Variants in CLSTN2 observed in about 807,000 individuals in gnomAD.
CLSTN2 encodes the protein calsyntenin 2.
In CLSTN2, 48 loss-of-function variants were observed where a neutral mutation model predicts 101.2. The observed-to-expected ratio is 0.47, with a 90% confidence interval of 0.38 to 0.60. The LOEUF (loss-of-function observed/expected upper bound fraction) is 0.60, where lower values mean the gene tolerates loss of function less well. CLSTN2 is among the 20% of genes least tolerant of loss of function. CLSTN2 has a pLI of 0.00. For missense variants in CLSTN2, 1,160 were observed against 1,238.2 expected (o/e 0.94, Z 0.95); for synonymous variants, 481 against 463.6 (o/e 1.04, Z -0.48).
At chr3:140,142,513 A>T (rs1242955880) in intron 1 of CLSTN2, among the ~76,000 whole-genome samples, 1 of 152,200 alleles carries the variant, frequency 6.6e-6, no homozygotes, top group African/African-American at 2.4e-5. Context: ...AACCCACACC[A>T]GGTGCCAGAA....
chr3:140,485,315 A>C (rs1336622586), intron 8 of CLSTN2, among the ~76,000 whole-genome samples: 2 of 152,088 alleles, frequency 1.3e-5, no homozygotes, highest in African/African-American at 4.8e-5. Flanking sequence ...GTTCCTCTGG[A>C]AGTTTTGTCT....
chr3:139,953,849 C>A (rs1401883746), intron 1 of CLSTN2, among the ~76,000 whole-genome samples: 7 of 152,046 alleles, frequency 4.6e-5, no homozygotes, highest in Non-Finnish European at 1.0e-4. Flanking sequence ...CACCTTTGCT[C>A]AAATCCTTGC....
chr3:140,059,116 A>G (rs2008152418), intron 1 of CLSTN2, among the ~76,000 whole-genome samples: 1 of 152,248 alleles, frequency 6.6e-6, no homozygotes, highest in Non-Finnish European at 1.5e-5. Flanking sequence ...TGCGTCCTGC[A>G]TGTGCAATCT....
At chr3:140,085,888 A>G (rs1208654521) in intron 1 of CLSTN2, among the ~76,000 whole-genome samples, 3 of 152,194 alleles carry the variant, frequency 2.0e-5, no homozygotes, top group Non-Finnish European at 4.4e-5. Context: ...TTAGCTCTTC[A>G]TGAAAGTCTG....
At chr3:140,548,552 G>A (rs1935647624) in intron 10 of CLSTN2, among the ~76,000 whole-genome samples, 1 of 152,142 alleles carries the variant, frequency 6.6e-6, no homozygotes, top group Non-Finnish European at 1.5e-5. Context: ...AGAATAGGTA[G>A]GAACCAGCTA....
At chr3:140,087,757 A>G (rs1429062276) in intron 1 of CLSTN2, among the ~76,000 whole-genome samples, 3 of 152,190 alleles carry the variant, frequency 2.0e-5, no homozygotes, top group Non-Finnish European at 4.4e-5. Flanking sequence ...CTGAGAGAGG[A>G]GAGTAATATC....
At chr3:140,135,563 G>A (rs967108210) in intron 1 of CLSTN2, among the ~76,000 whole-genome samples, 1 of 152,206 alleles carries the variant, frequency 6.6e-6, no homozygotes, top group Non-Finnish European at 1.5e-5. Flanking sequence ...AAAAGCTGCT[G>A]AAGGAGGAAA....
Position 140,566,524 on chromosome 3 carries a change from A to C in CLSTN2, c.*271A>C. The stretch of plus-strand genomic sequence containing the variant: ...CTGCCCTAAGTTCCCCAGCATCCTG[A>C]CTACCTGTCTGCAGAGTTTGCCTTT... On this transcript the variant is annotated 3_prime_UTR_variant, in exon 17 of 17. Transcript: ENST00000458420. The C allele has an allele frequency of 2.0e-6, 1 of 494,180 alleles. No individual in the cohort carries two copies. Among genetic ancestry groups the C allele is most frequent in the Non-Finnish European group, 3.7e-6 (1 of 273,284 alleles). 30.6% of individuals were successfully genotyped at this position (494,180 alleles called of 1,614,324 possible).
chr3:140,167,686 T>C (rs2010155322), intron 1 of CLSTN2, among the ~76,000 whole-genome samples: 1 of 152,154 alleles, frequency 6.6e-6, no homozygotes, highest in African/African-American at 2.4e-5. Flanking sequence ...AACATTCCCT[T>C]GTTCCCCTTC....
chr3:140,107,006 A>T (rs1325208199), intron 1 of CLSTN2, among the ~76,000 whole-genome samples: 1 of 152,194 alleles, frequency 6.6e-6, no homozygotes, highest in African/African-American at 2.4e-5. Flanking sequence ...TTTTTAATGC[A>T]ATTTCACTAC....
rs2107786714 is a variant in CLSTN2 at position 140,546,528 on chromosome 3, C to T, written c.1521C>T (p.Thr507=). 1 of 1,613,854 alleles carries T rather than the reference C, an allele frequency of 6.2e-7. No individual in the cohort carries two copies. Among genetic ancestry groups the T allele is most frequent in the East Asian group, 2.2e-5 (1 of 44,870 alleles). Reference sequence around the variant, plus strand: ...TTGTTTTTTCAGGAGGAGAAGTCACCAAACCACAGTTTGCTCAGTTCTTTC... The same window carrying T: ...TTGTTTTTTCAGGAGGAGAAGTCACTAAACCACAGTTTGCTCAGTTCTTTC... ...VGACWQGGEV[T]KPQFAQFFHG... is the part of the protein sequence containing the mutation. Residue 507 remains threonine, a synonymous_variant, in exon 10 of 17, where the codon ACC becomes ACT. Coordinates refer to ENST00000458420, the MANE Select transcript of CLSTN2 (RefSeq NM_022131.3).
chr3:140,267,660 A>G (rs914422498), intron 2 of CLSTN2, among the ~76,000 whole-genome samples: 1 of 152,202 alleles, frequency 6.6e-6, no homozygotes, highest in Non-Finnish European at 1.5e-5. Flanking sequence ...CAAGCCCAGA[A>G]GTTTTGCTGT....
At chr3:140,480,718 CTG>C (rs1294632211) in intron 8 of CLSTN2, among the ~76,000 whole-genome samples, 1 of 152,054 alleles carries the variant, frequency 6.6e-6, no homozygotes, top group Non-Finnish European at 1.5e-5. Context: ...ATTTTTTCAT[CTG>C]TCTTTTGCCT....
At chr3:140,447,589 C>A (rs6762014) in intron 5 of CLSTN2, among the ~76,000 whole-genome samples, 58,994 of 152,102 alleles carry the variant, frequency 0.39, 12,967 homozygotes, top group Middle Eastern at 0.51. Context: ...TTCACTAAAA[C>A]GCAGTGACAA....
At chr3:140,244,959 G>C (rs1221982843) in intron 2 of CLSTN2, among the ~76,000 whole-genome samples, 1 of 152,222 alleles carries the variant, frequency 6.6e-6, no homozygotes, top group Non-Finnish European at 1.5e-5. Context: ...TCAGACCTTA[G>C]CTGTGCTAAC....
chr3:140,280,216 G>A (rs975330765), intron 2 of CLSTN2, among the ~76,000 whole-genome samples: 2 of 152,150 alleles, frequency 1.3e-5, no homozygotes, highest in Admixed American at 6.5e-5. Context: ...AATAATATGT[G>A]TGCAAAAAGA....
intron 2 of CLSTN2, among the ~76,000 whole-genome samples, chr3:140,368,781 T>C (rs2087820706): frequency 6.6e-6 from 1 of 152,184 alleles, no homozygotes; most frequent in Admixed American, 6.5e-5. Flanking sequence ...GCTGGAGAAG[T>C]AGGCAAGGAC....
At chr3:140,139,836 A>G (rs1268657861) in intron 1 of CLSTN2, among the ~76,000 whole-genome samples, 2 of 152,224 alleles carry the variant, frequency 1.3e-5, no homozygotes, top group Non-Finnish European at 2.9e-5. Flanking sequence ...TTCTTTGTCC[A>G]GTGATGTGTC....
At chr3:140,483,841 T>C (rs1934181527) in intron 8 of CLSTN2, among the ~76,000 whole-genome samples, 1 of 152,212 alleles carries the variant, frequency 6.6e-6, no homozygotes, top group South Asian at 2.1e-4. Context: ...TCCCTTTATT[T>C]TGAGCCTATG....
Sources: allele counts gnomAD v4.1 joint callset (sites outside exome capture counted in the v4.1 genomes callset), GRCh38; gene constraint gnomAD v4.1.1; transcripts MANE v1.5; gene names NCBI Gene and HGNC (gene_info 2026-07-23, HGNC 2026-07-21).